The following ZCCHC7 variants were observed in gnomAD, a reference collection of about 807,000 sequenced individuals.
ZCCHC7 encodes the protein zinc finger CCHC-type containing 7.
ZCCHC7 carries 35 observed loss-of-function variants against 52.0 expected under a neutral mutation model. That is an observed-to-expected ratio of 0.67 (90% CI 0.51 to 0.89). The LOEUF (loss-of-function observed/expected upper bound fraction) is 0.89. Ranked by LOEUF, ZCCHC7 falls within the 40% of genes least tolerant of loss-of-function variation. The pLI, the probability that ZCCHC7 is intolerant of heterozygous loss-of-function variation, is 0.00. For synonymous variants in ZCCHC7, 217 were observed against 221.5 expected, an observed-to-expected ratio of 0.98 and a Z score of 0.18; for missense variants, 574 against 649.1, an observed-to-expected ratio of 0.88 and a Z score of 1.26.
chr9:37,253,388 C>T (rs1471952353), intron 2 of ZCCHC7, among the ~76,000 whole-genome samples: 1 of 151,924 alleles, frequency 6.6e-6, no homozygotes, highest in Non-Finnish European at 1.5e-5. Flanking sequence ...ATTTTAATTA[C>T]ATTGCTTCTT....
intron 2 of ZCCHC7, among the ~76,000 whole-genome samples, chr9:37,252,796 G>A (rs1826392568): frequency 6.6e-6 from 1 of 152,070 alleles, no homozygotes; most frequent in South Asian, 2.1e-4. Context: ...GTACCATCCT[G>A]TAATACCAAC....
At chr9:37,353,493 G>A (rs1430768906) in intron 7 of ZCCHC7, among the ~76,000 whole-genome samples, 3 of 152,140 alleles carry the variant, frequency 2.0e-5, no homozygotes, top group African/African-American at 2.4e-5. Context: ...GAGAATGGCC[G>A]ACTTCAACTT....
At chr9:37,132,394 A>G (rs1373912610) in intron 2 of ZCCHC7, among the ~76,000 whole-genome samples, 1 of 152,234 alleles carries the variant, frequency 6.6e-6, no homozygotes, top group East Asian at 1.9e-4. Flanking sequence ...ATAAAATGTT[A>G]TAATTGACTT....
intron 2 of ZCCHC7, among the ~76,000 whole-genome samples, chr9:37,131,718 CAG>C (rs1485771986): frequency 6.6e-6 from 1 of 152,174 alleles, no homozygotes; most frequent in Non-Finnish European, 1.5e-5. Flanking sequence ...TACCACAACT[CAG>C]AGGCATTTTT....
chr9:37,248,711 A>C (rs949113621), intron 2 of ZCCHC7, among the ~76,000 whole-genome samples: 2 of 152,212 alleles, frequency 1.3e-5, no homozygotes, highest in African/African-American at 4.8e-5. Context: ...GCATGTCATA[A>C]TTCAAGTAAA....
chr9:37,274,331 CTTTTTTTT>C lies in ZCCHC7; in HGVS notation c.611-27838_611-27831del, dbSNP rs10653910. 8.1e-4 allele frequency among the ~76,000 whole-genome samples: 62 copies of C among 76,680 alleles called. 1 individual carries two copies. Among genetic ancestry groups the C allele is most frequent in the Admixed American group, 1.3e-3 (8 of 6,056 alleles). 50.3% of individuals were successfully genotyped at this position (76,680 alleles called of 152,430 possible). A position where few individuals can be genotyped will look rare whatever the true frequency, so the allele number is the denominator to read the frequency against. On this transcript the variant is annotated intron_variant, in intron 2 of 8. Coordinates refer to ENST00000336755, the MANE Select transcript of ZCCHC7 (RefSeq NM_032226.3). ...TTATGAAAATTACCATATCTAATTT[CTTTTTTTT>C]TTTTTTTTTTTTTTTTTTGAGATGG... is the stretch of plus-strand genomic sequence containing the variant.
At chr9:37,264,825 C>T (rs775623067) in intron 2 of ZCCHC7, among the ~76,000 whole-genome samples, 1 of 152,154 alleles carries the variant, frequency 6.6e-6, no homozygotes, top group Non-Finnish European at 1.5e-5. Flanking sequence ...TAAACCTGAA[C>T]TCTCATCAGA....
chr9:37,177,513 G>C (rs1039948734), intron 2 of ZCCHC7, among the ~76,000 whole-genome samples: 1 of 152,070 alleles, frequency 6.6e-6, no homozygotes, highest in Admixed American at 6.6e-5. Flanking sequence ...TACCTACAGA[G>C]AGCAGCTGTG....
At chr9:37,284,616 T>G (rs1240717264) in intron 2 of ZCCHC7, among the ~76,000 whole-genome samples, 1 of 152,200 alleles carries the variant, frequency 6.6e-6, no homozygotes, top group Non-Finnish European at 1.5e-5. Context: ...AAATGGATTT[T>G]TATATTACCT....
At chr9:37,316,364 ATCTTAT>A (rs1338578687) in intron 5 of ZCCHC7, among the ~76,000 whole-genome samples, 4 of 151,380 alleles carry the variant, frequency 2.6e-5, no homozygotes, top group Non-Finnish European at 5.9e-5. Context: ...CTAGCCAAGA[ATCTTAT>A]TCTTATAAGA....
chr9:37,323,973 T>C (rs900816316), intron 5 of ZCCHC7, among the ~76,000 whole-genome samples: 3 of 152,208 alleles, frequency 2.0e-5, no homozygotes, highest in Non-Finnish European at 2.9e-5. Flanking sequence ...CCTAAACTTA[T>C]ATTTGTGTGC....
intron 5 of ZCCHC7, among the ~76,000 whole-genome samples, chr9:37,321,314 A>G (rs1037670544): frequency 6.6e-6 from 1 of 152,016 alleles, no homozygotes; most frequent in African/African-American, 2.4e-5. Flanking sequence ...CCTTTTAAGT[A>G]GAGGTGGGGT....
chr9:37,333,961 C>T (rs1262701172), intron 6 of ZCCHC7: 1 of 151,872 alleles, frequency 6.6e-6, no homozygotes, highest in South Asian at 2.1e-4. Context: ...GACCCTATTA[C>T]AATAAAAATG....
intron 2 of ZCCHC7, among the ~76,000 whole-genome samples, chr9:37,196,240 T>C (rs1823278833): frequency 6.6e-6 from 1 of 152,196 alleles, no homozygotes; most frequent in South Asian, 2.1e-4. Context: ...AACAATAGGC[T>C]TGCTATGTAT....
intron 2 of ZCCHC7, among the ~76,000 whole-genome samples, chr9:37,250,716 G>T (rs888820416): frequency 3.3e-5 from 5 of 152,132 alleles, no homozygotes; most frequent in African/African-American, 1.2e-4. Context: ...TCCTTAGCTT[G>T]TTGGTTTTTA....
At chr9:37,305,453 A>G in intron 4 of ZCCHC7, 91 bp from the exon 5 acceptor site, 1 of 1,482,742 alleles carries the variant, frequency 6.7e-7, no homozygotes. Flanking sequence ...TCAAATTAGA[A>G]AAGATTTTTT....
chr9:37,207,165 T>TA (rs1394969370), intron 2 of ZCCHC7, among the ~76,000 whole-genome samples: 1 of 152,178 alleles, frequency 6.6e-6, no homozygotes, highest in Non-Finnish European at 1.5e-5. Context: ...TCTTATTGTT[T>TA]AGAGTTGAAG....
chr9:37,337,959 G>A (rs537881364), intron 6 of ZCCHC7, among the ~76,000 whole-genome samples: 204 of 152,074 alleles, frequency 1.3e-3, no homozygotes, highest in Non-Finnish European at 2.0e-3. Flanking sequence ...ATTTAAATAG[G>A]GTGGTATATT....
chr9:37,303,347 C>T (rs2133701008), intron 3 of ZCCHC7, among the ~76,000 whole-genome samples: 1 of 151,810 alleles, frequency 6.6e-6, no homozygotes, highest in Non-Finnish European at 1.5e-5. Flanking sequence ...ATCGCTTGAA[C>T]CCAGGGAGGT....
Sources: allele counts gnomAD v4.1 joint callset (sites outside exome capture counted in the v4.1 genomes callset), GRCh38; gene constraint gnomAD v4.1.1; transcripts MANE v1.5; gene names NCBI Gene and HGNC (gene_info 2026-07-23, HGNC 2026-07-21).